The following MTMR2 variants were observed in gnomAD, a reference collection of about 807,000 sequenced individuals.
The protein encoded by MTMR2 is myotubularin related protein 2.
A neutral mutation model predicts 86.9 loss-of-function variants in MTMR2; 55 were observed. The observed-to-expected ratio is 0.63, with a 90% confidence interval of 0.51 to 0.79. The LOEUF is 0.79. Ranked by LOEUF, MTMR2 falls within the 30% of genes least tolerant of loss-of-function variation. MTMR2 has a pLI of 0.00. For synonymous variants in MTMR2, 241 were observed against 266.8 expected, an observed-to-expected ratio of 0.90 and a Z score of 0.94; for missense variants, 659 against 772.3, an observed-to-expected ratio of 0.85 and a Z score of 1.74.
At position 95,836,169 on chromosome 11, in the gene MTMR2, C is replaced by T. The variant is rs1590968942; in HGVS notation, c.1749G>A (p.Trp583Ter). ...ATACCTGTGGTTTCATCCGTGGATTCCACCTTATGTAATATCCCACCCAGA... is the reference window on the plus strand; with the variant it reads ...ATACCTGTGGTTTCATCCGTGGATTTCACCTTATGTAATATCCCACCCAGA... ...LELWVGYYIR[W>*]NPRMKPQEPI... The change falls in exon 14 of 15, where the codon TGG (tryptophan) becomes TGA (stop). Residue 583 changes from tryptophan to a stop codon, truncating the protein, a stop_gained. Coordinates refer to ENST00000346299, the MANE Select transcript of MTMR2 (RefSeq NM_016156.6). LOFTEE classifies it high-confidence loss of function. 1.9e-6 allele frequency: 3 copies of T among 1,612,478 alleles called. No individual in the cohort carries two copies. The highest frequency in any genetic ancestry group is 3.3e-5 in the Admixed American group (2 of 59,904).
At chr11:95,915,342 C>T (rs538563985) in intron 1 of MTMR2, among the ~76,000 whole-genome samples, 6 of 152,028 alleles carry the variant, frequency 3.9e-5, no homozygotes, top group African/African-American at 1.2e-4. Flanking sequence ...GCAATTCTGC[C>T]GAGAAGAGAA....
intron 2 of MTMR2, among the ~76,000 whole-genome samples, chr11:95,874,220 G>A (rs1029955849): frequency 6.6e-5 from 10 of 152,180 alleles, no homozygotes; most frequent in Non-Finnish European, 1.2e-4. Context: ...TTATTATTGT[G>A]TGGGAGTCTG....
intron 2 of MTMR2, among the ~76,000 whole-genome samples, chr11:95,875,432 G>A (rs570409639): frequency 7.9e-4 from 120 of 152,262 alleles, no homozygotes; most frequent in African/African-American, 2.6e-3. Context: ...CTCATGCCAC[G>A]GTTTTCAGCT....
chr11:95,854,858 G>C (rs1864152471), intron 7 of MTMR2, among the ~76,000 whole-genome samples: 1 of 151,878 alleles, frequency 6.6e-6, no homozygotes, highest in East Asian at 1.9e-4. Context: ...ATCCAGGCTG[G>C]AGTGCAGTGG....
chr11:95,861,713 C>T (rs1367964309), intron 5 of MTMR2, among the ~76,000 whole-genome samples: 2 of 152,008 alleles, frequency 1.3e-5, no homozygotes, highest in Non-Finnish European at 2.9e-5. Context: ...CGTGAGCCAC[C>T]ATGTCCGGCC....
Position 95,847,877 on chromosome 11 carries a change from C to T in MTMR2, c.1016G>A (p.Ser339Asn). Residue 339 changes from serine (S) to asparagine (N), a missense_variant, in exon 10 of 15, where the codon AGT becomes AAT. Coordinates refer to ENST00000346299, the MANE Select transcript of MTMR2 (RefSeq NM_016156.6). Reference protein sequence around the residue: ...ANKAKGGGYESEDAYQNAELV... With the variant: ...ANKAKGGGYENEDAYQNAELV... ...TTCAGCATTTTGATAGGCATCTTCA[C>T]TTTCATAACCTCCACCCTTTGCCTG... The T allele has an allele frequency of 1.2e-6, 2 of 1,613,698 alleles. No individual in the cohort carries two copies. The highest frequency in any genetic ancestry group is 1.7e-6 in the Non-Finnish European group (2 of 1,179,736).
In MTMR2 at chr11:95,907,546, C is replaced by A. The variant is rs1866328881; in HGVS notation, c.80+16329G>T. The stretch of plus-strand genomic sequence containing the variant: ...GCATCACTCTGATACAAAAGCCTGG[C>A]AGACAGACAACGAAAAAAGAAAACT... On this transcript the variant is annotated intron_variant, in intron 1 of 14. Coordinates refer to ENST00000346299, the MANE Select transcript of MTMR2 (RefSeq NM_016156.6). 2.0e-5 allele frequency among the ~76,000 whole-genome samples: 3 copies of A among 152,022 alleles called. No homozygotes were observed. In the East Asian group the frequency reaches 5.8e-4, roughly 29 times the overall value.
chr11:95,843,072 CTTAAAGACT>C (rs980406132), intron 11 of MTMR2, among the ~76,000 whole-genome samples: 14 of 151,568 alleles, frequency 9.2e-5, no homozygotes, highest in Admixed American at 7.9e-4. Flanking sequence ...GTTAGAAAGA[CTTAAAGACT>C]TTTTTTTTTT....
In MTMR2 at chr11:95,856,217, G is replaced by A. The variant is rs561548573; in HGVS notation, c.654+1335C>T. Among the ~76,000 whole-genome samples the A allele has an allele frequency of 1.8e-4, 23 of 129,868 alleles. No homozygotes were observed. The South Asian group carries it at 6.5e-3, about 37-fold the overall frequency. The allele number at this position is 129,868 out of a possible 152,430, so 85.2% of individuals were successfully genotyped here. The stretch of plus-strand genomic sequence containing the variant: ...GAAACCAATAATATCATTTCCTAAA[G>A]GGAGGGGAACTGGAATGGCTAGGGG... On this transcript the variant is annotated intron_variant, in intron 7 of 14. Transcript: ENST00000346299.
intron 9 of MTMR2, 63 bp downstream of exon 9, chr11:95,849,611 T>C: frequency 6.9e-7 from 1 of 1,446,110 alleles, no homozygotes; most frequent in East Asian, 2.3e-5. Context: ...TACTACACTG[T>C]GGCCCTGCCA....
chr11:95,897,829 A>G (rs1865931821), intron 1 of MTMR2, among the ~76,000 whole-genome samples: 1 of 152,106 alleles, frequency 6.6e-6, no homozygotes, highest in African/African-American at 2.4e-5. Flanking sequence ...CGTAAACTCT[A>G]TTGACTCCAG....
intron 8 of MTMR2, 125 bp from the exon 9 acceptor site, chr11:95,849,987 A>G: frequency 1.1e-6 from 1 of 885,112 alleles, no homozygotes; most frequent in Non-Finnish European, 1.8e-6. Context: ...AGGACATCTG[A>G]GGCTGCTAAG....
intron 5 of MTMR2, among the ~76,000 whole-genome samples, chr11:95,861,229 T>C (rs780535064): frequency 6.6e-6 from 1 of 151,368 alleles, no homozygotes; most frequent in Non-Finnish European, 1.5e-5. Flanking sequence ...TTTAGTTATT[T>C]AGTTCTTCCA....
chr11:95,879,376 C>T (rs1162545737), intron 2 of MTMR2, among the ~76,000 whole-genome samples: 1 of 152,140 alleles, frequency 6.6e-6, no homozygotes, highest in African/African-American at 2.4e-5. Flanking sequence ...AACCTGGAAT[C>T]ATCATCTTTG....
intron 1 of MTMR2, among the ~76,000 whole-genome samples, chr11:95,894,125 C>T (rs1319473403): frequency 6.6e-6 from 1 of 152,166 alleles, no homozygotes; most frequent in Non-Finnish European, 1.5e-5. Flanking sequence ...TTTCATGCCT[C>T]TGTGCCTTTG....
intron 12 of MTMR2, chr11:95,839,965 T>C (rs970619620): frequency 6.6e-6 from 1 of 152,160 alleles, no homozygotes; most frequent in Non-Finnish European, 1.5e-5. Flanking sequence ...TTAAACTACT[T>C]TTAGATAGAC....
intron 1 of MTMR2, among the ~76,000 whole-genome samples, chr11:95,889,880 A>C (rs535354096): frequency 6.6e-6 from 1 of 152,332 alleles, no homozygotes; most frequent in South Asian, 2.1e-4. Flanking sequence ...GATTTTCAAA[A>C]ATGTATTTTT....
intron 1 of MTMR2, among the ~76,000 whole-genome samples, chr11:95,893,731 C>A (rs762650761): frequency 1.3e-5 from 2 of 152,156 alleles, no homozygotes; most frequent in Non-Finnish European, 2.9e-5. Flanking sequence ...TTCTCCCACA[C>A]AGCTATCACA....
intron 10 of MTMR2, 64 bp downstream of exon 10, chr11:95,847,650 A>G: frequency 7.0e-7 from 1 of 1,432,002 alleles, no homozygotes; most frequent in Non-Finnish European, 9.8e-7. Flanking sequence ...ATTATAAGTA[A>G]AAAGCTAATA....
Sources: gnomAD v4.1 joint callset for allele counts (sites outside exome capture counted in the v4.1 genomes callset) on GRCh38, gnomAD v4.1.1 for gene constraint, MANE v1.5 for transcripts, NCBI Gene and HGNC (gene_info 2026-07-23, HGNC 2026-07-21) for gene names.